ASGR2: variants seen among roughly 807,000 people sequenced by gnomAD.
ASGR2 encodes the protein C-type lectin domain family 4 member H2.
Under a neutral mutation model 32.3 loss-of-function variants are expected in ASGR2, and 34 were observed. The ratio of observed to expected loss-of-function variants is 1.05; its 90% CI spans 0.80 to 1.40. The LOEUF (loss-of-function observed/expected upper bound fraction) is 1.40. Ranked by LOEUF, ASGR2 falls within the 40% of genes most tolerant of loss-of-function variation. The pLI is 0.00. For missense variants in ASGR2, 385 were observed against 386.4 expected (o/e 1.00, Z 0.03); for synonymous variants, 143 against 150.0 (o/e 0.95, Z 0.34).
chr17:7,107,083 A>T lies in ASGR2; in HGVS notation c.565T>A (p.Ser189Thr), dbSNP rs146241312. ...TCCGCCTCAGCCCAGGCCTTCCCGG[A>T]GTGAGAGAACCAGTAGCAGCTGCCT... ...HQGSCYWFSH[S>T]GKAWAEAEKY... is the part of the protein sequence containing the mutation. The change falls in exon 7 of 9, where the codon TCC (serine) becomes ACC (threonine). Residue 189 changes from serine (S) to threonine (T), a missense_variant. Ser to Thr is a moderately conservative substitution (Grantham distance 58). Coordinates refer to ENST00000691900, the MANE Select transcript of ASGR2 (RefSeq NM_001201352.2). The surrounding 1 kb of genome is among the most constrained non-coding windows in gnomAD (Gnocchi z 5.0). 1 of 1,613,888 alleles carries T rather than the reference A, an allele frequency of 6.2e-7. No homozygotes were observed. The highest frequency in any genetic ancestry group is 1.3e-5 in the African/African-American group (1 of 74,852).
In ASGR2 at chr17:7,113,272, C is replaced by A. The variant is rs1447953822; in HGVS notation, c.124+845G>T. ...TGCTCACGTCCCCCACCCATCCCAA[C>A]TCACCCCACCTCTACACACACACAC... On this transcript the variant is annotated intron_variant, in intron 2 of 8. Coordinates refer to ENST00000691900, the MANE Select transcript of ASGR2 (RefSeq NM_001201352.2). The surrounding 1 kb of genome is among the most constrained non-coding windows in gnomAD (Gnocchi z 5.1). 6.9e-6 allele frequency among the ~76,000 whole-genome samples: 1 copy of A among 145,652 alleles called. No homozygotes were observed. Among genetic ancestry groups the A allele is most frequent in the Non-Finnish European group, 1.5e-5 (1 of 66,634 alleles).
Position 7,113,147 on chromosome 17 carries a change from G to T in ASGR2, c.124+970C>A, listed in dbSNP as rs1232769823. Among the ~76,000 whole-genome samples the T allele has an allele frequency of 6.6e-6, 1 of 151,888 alleles. No individual in the cohort carries two copies. The highest frequency in any genetic ancestry group is 1.5e-5 in the Non-Finnish European group (1 of 67,976). ...ACACTCCTGTCTCTAAAAAAAAAAT[G>T]TCCAAGATACTTAGGTCCTTCAGTC... On this transcript the variant is annotated intron_variant, in intron 2 of 8. Transcript: ENST00000691900. This position sits in a 1 kb window ranked among gnomAD's most constrained non-coding sequence, Gnocchi z 5.1.
Position 7,101,721 on chromosome 17 carries a change from G to T in ASGR2, c.775C>A (p.Pro259Thr), listed in dbSNP as rs558720070. The T allele has an allele frequency of 1.2e-6, 2 of 1,613,954 alleles. No individual in the cohort carries two copies. Among genetic ancestry groups the T allele is most frequent in the Non-Finnish European group, 1.7e-6 (2 of 1,180,010 alleles). The change falls in exon 9 of 9, where the codon CCA (proline) becomes ACA (threonine). Residue 259 changes from proline (P) to threonine (T), a missense_variant. Coordinates refer to ENST00000691900, the MANE Select transcript of ASGR2 (RefSeq NM_001201352.2). ...AGCTCGTGCCCGTGCCAATTATCTG[G>T]CTGAGTGACAGCCCAGTTCCTAAGG... ...HNYKNWAVTQPDNWHGHELGG... is the reference protein window; with the variant it reads ...HNYKNWAVTQTDNWHGHELGG...
chr17:7,114,327 G>C lies in ASGR2; in HGVS notation c.-70-17C>G. 7.6e-7 allele frequency: 1 copy of C among 1,321,952 alleles called. No homozygotes were observed. 81.9% of individuals were successfully genotyped at this position (1,321,952 alleles called of 1,614,324 possible). A position where few individuals can be genotyped will look rare whatever the true frequency, so the allele number is the denominator to read the frequency against. On this transcript the variant is annotated splice_polypyrimidine_tract_variant and intron_variant, in intron 1 of 8. Transcript: ENST00000691900. This position sits in a 1 kb window ranked among gnomAD's most constrained non-coding sequence, Gnocchi z 4.5. ...GGGCTGGGGCTGGGGCAGAGGTGCA[G>C]ATTCACGTGGAGGTTGATGGTGGGA...
chr17:7,107,184 A>G lies in ASGR2; in HGVS notation c.497-33T>C. On this transcript the variant is annotated intron_variant, in intron 6 of 8. Transcript: ENST00000691900. The surrounding 1 kb of genome is among the most constrained non-coding windows in gnomAD (Gnocchi z 5.0). ...GACAGGGGGCAGGGAGATGAGATCC[A>G]GCCGGAGGGGCAGGCACACTGGGCC... The G allele has an allele frequency of 6.2e-7, 1 of 1,614,186 alleles. No homozygotes were observed. Among genetic ancestry groups the G allele is most frequent in the South Asian group, 1.1e-5 (1 of 91,086 alleles).
At position 7,113,715 on chromosome 17, in the gene ASGR2, CACA is replaced by C. The variant is rs1265717758; in HGVS notation, c.124+399_124+401del. Among the ~76,000 whole-genome samples the C allele has an allele frequency of 6.6e-6, 1 of 150,518 alleles. No individual in the cohort carries two copies. The highest frequency in any genetic ancestry group is 1.5e-5 in the Non-Finnish European group (1 of 67,204). On this transcript the variant is annotated intron_variant, in intron 2 of 8. Transcript: ENST00000691900. The surrounding 1 kb of genome is among the most constrained non-coding windows in gnomAD (Gnocchi z 5.1). ...CATACACACACAACACACTCTCACA[CACA>C]ACATACCCTCTCACATACACGACAT...
Position 7,107,646 on chromosome 17 carries a change from TA to T in ASGR2, c.409+189del. ...CACAACACACACATATACACCACAC[TA>T]CACACCACACACAGATCCATGACAT... On this transcript the variant is annotated intron_variant, in intron 5 of 8. Transcript: ENST00000691900. This position sits in a 1 kb window ranked among gnomAD's most constrained non-coding sequence, Gnocchi z 5.0. The T allele has an allele frequency of 1.3e-6, 1 of 762,186 alleles. No individual in the cohort carries two copies. Among genetic ancestry groups the T allele is most frequent in the Non-Finnish European group, 2.2e-6 (1 of 460,056 alleles). 47.2% of individuals were successfully genotyped at this position (762,186 alleles called of 1,614,324 possible).
At position 7,106,123 on chromosome 17, in the gene ASGR2, A is replaced by T. The variant is rs142570671; in HGVS notation, c.648+877T>A. On this transcript the variant is annotated intron_variant, in intron 7 of 8. Transcript: ENST00000691900. ...TTTTAAGGGCGAGATCCAGGAGTCGATATATTTTTTTTAACTCTTGAAGAG... is the reference window on the plus strand; with the variant it reads ...TTTTAAGGGCGAGATCCAGGAGTCGTTATATTTTTTTTAACTCTTGAAGAG... Among the ~76,000 whole-genome samples, 373 of 152,276 alleles carry T rather than the reference A, an allele frequency of 2.4e-3. 1 individual carries two copies. The highest frequency in any genetic ancestry group is 2.8e-3 in the Non-Finnish European group (188 of 68,028).
Position 7,107,130 on chromosome 17 carries a change from G to A in ASGR2, c.518C>T (p.Pro173Leu). The change falls in exon 7 of 9, where the codon CCC becomes CTC. Residue 173 changes from proline (P) to leucine (L), a missense_variant. By Grantham distance (98) the Pro-to-Leu change is moderately conservative (BLOSUM62 -3). Coordinates refer to ENST00000691900, the MANE Select transcript of ASGR2 (RefSeq NM_001201352.2). This position sits in a 1 kb window ranked among gnomAD's most constrained non-coding sequence, Gnocchi z 5.0. The stretch of plus-strand genomic sequence containing the variant: ...GCCTTGGTGCTCCACCCAGTTGACG[G>A]GGCAGCAGGTCCTTTGGGAGCCTGA... ...HSNGSQRTCCPVNWVEHQGSC... is the reference protein window; with the variant it reads ...HSNGSQRTCCLVNWVEHQGSC... The A allele has an allele frequency of 1.2e-6, 2 of 1,614,200 alleles. No homozygotes were observed. The highest frequency in any genetic ancestry group is 1.7e-6 in the Non-Finnish European group (2 of 1,180,024).
rs72837640 is a variant in ASGR2 at position 7,106,363 on chromosome 17, T to C, written c.648+637A>G. ...GACGAAAGCACCGTCCACCACGAAGTTGTAGTGGTCATGAGCTTATTGTGT... is the reference window on the plus strand; with the variant it reads ...GACGAAAGCACCGTCCACCACGAAGCTGTAGTGGTCATGAGCTTATTGTGT... On this transcript the variant is annotated intron_variant, in intron 7 of 8. Transcript: ENST00000691900. 6.9e-3 allele frequency among the ~76,000 whole-genome samples: 1,053 copies of C among 152,272 alleles called. 10 individuals are homozygous for C. Among genetic ancestry groups the C allele is most frequent in the Non-Finnish European group, 0.01 (714 of 68,012 alleles).
chr17:7,107,142 C>T lies in ASGR2; in HGVS notation c.506G>A (p.Arg169Lys). 6.2e-7 allele frequency: 1 copy of T among 1,614,186 alleles called. No individual in the cohort carries two copies. The highest frequency in any genetic ancestry group is 8.5e-7 in the Non-Finnish European group (1 of 1,180,032). ...MELLHSNGSQ[R>K]TCCPVNWVEH... Reference sequence around the variant, plus strand: ...CACCCAGTTGACGGGGCAGCAGGTCCTTTGGGAGCCTGAGGGGACAGGGGG... The same window carrying T: ...CACCCAGTTGACGGGGCAGCAGGTCTTTTGGGAGCCTGAGGGGACAGGGGG... The change falls in exon 7 of 9, where the codon AGG (arginine) becomes AAG (lysine). Residue 169 changes from arginine to lysine, a missense_variant. Arg to Lys is a conservative substitution (Grantham distance 26). Coordinates refer to ENST00000691900, the MANE Select transcript of ASGR2 (RefSeq NM_001201352.2). This position sits in a 1 kb window ranked among gnomAD's most constrained non-coding sequence, Gnocchi z 5.0.
In ASGR2 at chr17:7,107,082, G is replaced by A. The variant is rs1224589752; in HGVS notation, c.566C>T (p.Ser189Phe). The change falls in exon 7 of 9, where the codon TCC becomes TTC. Residue 189 changes from serine (S) to phenylalanine (F), a missense_variant. Transcript: ENST00000691900. This position sits in a 1 kb window ranked among gnomAD's most constrained non-coding sequence, Gnocchi z 5.0. ...HQGSCYWFSH[S>F]GKAWAEAEKY... ...CTCCGCCTCAGCCCAGGCCTTCCCG[G>A]AGTGAGAGAACCAGTAGCAGCTGCC... The A allele has an allele frequency of 2.5e-6, 4 of 1,614,134 alleles. No homozygotes were observed. Among genetic ancestry groups the A allele is most frequent in the Admixed American group, 1.7e-5 (1 of 60,004 alleles).
intron 2 of ASGR2, 119 bp from the exon 3 acceptor site, chr17:7,109,007 G>T (rs998657871): frequency 7.5e-6 from 7 of 932,724 alleles, no homozygotes; most frequent in Non-Finnish European, 1.1e-5. Context: ...GGGCCATGGG[G>T]GGGGGTCATC....
chr17:7,102,892 G>A (rs188379271), intron 7 of ASGR2, among the ~76,000 whole-genome samples: 29 of 152,270 alleles, frequency 1.9e-4, no homozygotes, highest in South Asian at 1.7e-3. Context: ...GAAGCAGCCC[G>A]GACAGCCAGT....
chr17:7,113,505 CACA>C lies in ASGR2; in HGVS notation c.124+609_124+611del. 6.8e-6 allele frequency among the ~76,000 whole-genome samples: 1 copy of C among 146,718 alleles called. No homozygotes were observed. The highest frequency in any genetic ancestry group is 1.5e-5 in the Non-Finnish European group (1 of 66,296). On this transcript the variant is annotated intron_variant, in intron 2 of 8. Coordinates refer to ENST00000691900, the MANE Select transcript of ASGR2 (RefSeq NM_001201352.2). This position sits in a 1 kb window ranked among gnomAD's most constrained non-coding sequence, Gnocchi z 5.1. ...ACACACACAACACACACACAACATA[CACA>C]ACGTACACACACACAACATACACAC...
At position 7,114,217 on chromosome 17, in the gene ASGR2, GAT is replaced by G; in HGVS notation, c.22_23del (p.Ile8ProfsTer9). ...CATTTTCCTCCGAGCTCAGCTGCTG[GAT>G]ATCTTGAAAGTCCTTGGCCATGATG... MAKDFQD[I>X]QQLSSEENDH... On this transcript the variant is annotated frameshift_variant, in exon 2 of 9. Transcript: ENST00000691900. LOFTEE classifies it high-confidence loss of function. This position sits in a 1 kb window ranked among gnomAD's most constrained non-coding sequence, Gnocchi z 4.5. 1.3e-5 allele frequency: 21 copies of G among 1,614,154 alleles called. No homozygotes were observed. The highest frequency in any genetic ancestry group is 1.7e-5 in the Non-Finnish European group (20 of 1,180,038).
chr17:7,102,753 G>A (rs1913035946), intron 7 of ASGR2, among the ~76,000 whole-genome samples: 1 of 152,188 alleles, frequency 6.6e-6, no homozygotes. Flanking sequence ...TCTATGTGTA[G>A]CTGTCATTTC....
At chr17:7,104,793 G>A (rs1311631832) in intron 7 of ASGR2, among the ~76,000 whole-genome samples, 4 of 151,958 alleles carry the variant, frequency 2.6e-5, no homozygotes, top group Non-Finnish European at 5.9e-5. Flanking sequence ...TGACCAACAT[G>A]GTGAAACCCT....
chr17:7,108,402 C>A lies in ASGR2; in HGVS notation c.337+60G>T. Reference sequence around the variant, plus strand: ...ACCCCACACAGCCCTGTTGCAGACTCGGCACTGAGCCCAGCAAACCTGTGC... The same window carrying A: ...ACCCCACACAGCCCTGTTGCAGACTAGGCACTGAGCCCAGCAAACCTGTGC... On this transcript the variant is annotated intron_variant, in intron 4 of 8. Coordinates refer to ENST00000691900, the MANE Select transcript of ASGR2 (RefSeq NM_001201352.2). The surrounding 1 kb of genome is among the most constrained non-coding windows in gnomAD (Gnocchi z 4.9). The A allele has an allele frequency of 6.6e-7, 1 of 1,509,044 alleles. No homozygotes were observed. The highest frequency in any genetic ancestry group is 1.3e-5 in the South Asian group (1 of 79,480). The allele number at this position is 1,509,044 out of a possible 1,614,324, so 93.5% of individuals were successfully genotyped here.
Sources: allele counts gnomAD v4.1 joint callset (sites outside exome capture counted in the v4.1 genomes callset), GRCh38; gene constraint gnomAD v4.1.1; non-coding constraint Gnocchi (gnomAD v3.1); transcripts MANE v1.5; gene names NCBI Gene and HGNC (gene_info 2026-07-23, HGNC 2026-07-21).